Variants in BMP6 observed in about 807,000 individuals in gnomAD.
The protein encoded by BMP6 is bone morphogenetic protein 6.
A neutral mutation model predicts 54.1 loss-of-function variants in BMP6; 17 were observed. That is an observed-to-expected ratio of 0.31 (90% CI 0.22 to 0.47). The LOEUF is 0.47. BMP6 is among the 20% of genes least tolerant of loss of function. The pLI is 1.00. For synonymous variants in BMP6, 328 were observed against 291.2 expected (o/e 1.13, Z -1.28); for missense variants, 720 against 690.4 (o/e 1.04, Z -0.48).
chr6:7,870,353 A>G (rs923257309), intron 4 of BMP6, among the ~76,000 whole-genome samples: 3 of 152,230 alleles, frequency 2.0e-5, no homozygotes, highest in African/African-American at 7.2e-5. Context: ...TTTCTCTACC[A>G]CTGATTGCAT....
At chr6:7,835,167 G>C (rs1758853661) in intron 1 of BMP6, among the ~76,000 whole-genome samples, 1 of 152,216 alleles carries the variant, frequency 6.6e-6, no homozygotes, top group African/African-American at 2.4e-5. Context: ...CTGTCACCCA[G>C]GCTGGAGTGC....
At chr6:7,807,238 C>A (rs953625179) in intron 1 of BMP6, among the ~76,000 whole-genome samples, 2 of 152,120 alleles carry the variant, frequency 1.3e-5, no homozygotes, top group Non-Finnish European at 2.9e-5. Flanking sequence ...AAAGTGTGGT[C>A]CATGGACCAG....
chr6:7,866,288 TG>T (rs1759422919), intron 4 of BMP6, among the ~76,000 whole-genome samples: 1 of 152,236 alleles, frequency 6.6e-6, no homozygotes, highest in East Asian at 1.9e-4. Context: ...TTTGCCCCAT[TG>T]GGGATTTTAA....
At chr6:7,813,080 T>C (rs1225617385) in intron 1 of BMP6, among the ~76,000 whole-genome samples, 1 of 27,712 alleles carries the variant, frequency 3.6e-5, no homozygotes, top group Non-Finnish European at 6.2e-5. Context: ...CAAAGCCCTG[T>C]CTCTACAAAA....
rs1047677604 is a variant in BMP6, at chr6:7,881,086, CTCT to C, written c.*748_*750del. ...TGTAACACGTGAAGGCAATGCTCAC[CTCT>C]TCTTTACCAGAACGGTTCTTTGACC... On this transcript the variant is annotated 3_prime_UTR_variant, in exon 7 of 7. Transcript: ENST00000283147. 3 of 152,280 alleles carry C rather than the reference CTCT, an allele frequency of 2.0e-5. No homozygotes were observed. Among genetic ancestry groups the C allele is most frequent in the Admixed American group, 1.3e-4 (2 of 15,284 alleles). The allele number at this position is 152,280 out of a possible 1,614,324, so 9.4% of individuals were successfully genotyped here.
In BMP6 at chr6:7,743,151, T is replaced by G. The variant is rs1757294095; in HGVS notation, c.664+15532T>G. Among the ~76,000 whole-genome samples the G allele has an allele frequency of 2.6e-5, 4 of 152,166 alleles. No individual in the cohort carries two copies. The South Asian group carries it at 8.3e-4, about 32-fold the overall frequency. On this transcript the variant is annotated intron_variant, in intron 1 of 6. Coordinates refer to ENST00000283147, the MANE Select transcript of BMP6 (RefSeq NM_001718.6). Reference sequence around the variant, plus strand: ...CATCTGTCCTATCAAGTGGTAATCTTCTGTATTTTACACTTCCAAAATATA... The same window carrying G: ...CATCTGTCCTATCAAGTGGTAATCTGCTGTATTTTACACTTCCAAAATATA...
chr6:7,827,501 C>G (rs905378925), intron 1 of BMP6, among the ~76,000 whole-genome samples: 11 of 152,204 alleles, frequency 7.2e-5, no homozygotes, highest in African/African-American at 2.7e-4. Context: ...CTCCCCCTTC[C>G]CTTCCCTCAG....
At chr6:7,833,771 G>T (rs907653510) in intron 1 of BMP6, among the ~76,000 whole-genome samples, 3 of 152,216 alleles carry the variant, frequency 2.0e-5, no homozygotes, top group Non-Finnish European at 4.4e-5. Context: ...TCAGACATTA[G>T]GCAGAGTTTA....
intron 2 of BMP6, among the ~76,000 whole-genome samples, chr6:7,852,121 T>C (rs1759152155): frequency 6.6e-6 from 1 of 152,236 alleles, no homozygotes; most frequent in Non-Finnish European, 1.5e-5. Context: ...GATACTGTTA[T>C]CTCCTTCCAG....
chr6:7,818,666 C>T (rs1188467386), intron 1 of BMP6, among the ~76,000 whole-genome samples: 1 of 152,236 alleles, frequency 6.6e-6, no homozygotes, highest in African/African-American at 2.4e-5. Context: ...CACATTGGCT[C>T]AAACCAAGGG....
intron 1 of BMP6, among the ~76,000 whole-genome samples, chr6:7,796,963 G>A (rs947743205): frequency 2.0e-5 from 3 of 152,072 alleles, no homozygotes; most frequent in South Asian, 4.1e-4. Context: ...ACTCCAATGC[G>A]TTGTTTCTGT....
At chr6:7,808,685 G>T (rs551045321) in intron 1 of BMP6, among the ~76,000 whole-genome samples, 25 of 152,102 alleles carry the variant, frequency 1.6e-4, no homozygotes, top group Non-Finnish European at 2.8e-4. Flanking sequence ...AGGCTGAGGT[G>T]TGAGGATTGC....
At chr6:7,784,234 T>A (rs1245666715) in intron 1 of BMP6, among the ~76,000 whole-genome samples, 1 of 152,206 alleles carries the variant, frequency 6.6e-6, no homozygotes, top group African/African-American at 2.4e-5. Flanking sequence ...ATTGTTGACA[T>A]TTTTTTACGT....
At chr6:7,828,899 C>T (rs112653364) in intron 1 of BMP6, among the ~76,000 whole-genome samples, 4 of 152,330 alleles carry the variant, frequency 2.6e-5, no homozygotes, top group Non-Finnish European at 2.9e-5. Context: ...GGGCCCATCA[C>T]GCGGACCAGA....
chr6:7,739,731 C>T (rs546320889), intron 1 of BMP6, among the ~76,000 whole-genome samples: 9 of 152,202 alleles, frequency 5.9e-5, no homozygotes, highest in Non-Finnish European at 5.9e-5. Context: ...CCACTGTCTT[C>T]TCTGCCCTTG....
chr6:7,816,486 T>C (rs1314350475), intron 1 of BMP6, among the ~76,000 whole-genome samples: 2 of 152,158 alleles, frequency 1.3e-5, no homozygotes, highest in African/African-American at 4.8e-5. Context: ...ACTTTAGATT[T>C]GAAGCAGAAG....
At chr6:7,736,023 A>G (rs570679737) in intron 1 of BMP6, among the ~76,000 whole-genome samples, 12 of 152,348 alleles carry the variant, frequency 7.9e-5, no homozygotes, top group East Asian at 1.9e-4. Context: ...GGGTTTTACT[A>G]AAGTGGTCCC....
At chr6:7,829,093 A>T (rs267178) in intron 1 of BMP6, among the ~76,000 whole-genome samples, 1 of 151,986 alleles carries the variant, frequency 6.6e-6, no homozygotes, top group African/African-American at 2.4e-5. Flanking sequence ...AAACTTGAAC[A>T]TTTCCTTAAA....
chr6:7,730,575 A>G (rs1761835848), intron 1 of BMP6, among the ~76,000 whole-genome samples: 1 of 152,228 alleles, frequency 6.6e-6, no homozygotes, highest in South Asian at 2.1e-4. Context: ...CAATGAAGCA[A>G]TTCTATTTCA....
Sources: gnomAD v4.1 joint callset for allele counts (sites outside exome capture counted in the v4.1 genomes callset) on GRCh38, gnomAD v4.1.1 for gene constraint, MANE v1.5 for transcripts, NCBI Gene and HGNC (gene_info 2026-07-23, HGNC 2026-07-21) for gene names.